RARB: variants seen among roughly 807,000 people sequenced by gnomAD.
The protein encoded by RARB is retinoic acid receptor beta.
A neutral mutation model predicts 51.9 loss-of-function variants in RARB; 17 were observed. The observed-to-expected ratio is 0.33, with a 90% confidence interval of 0.22 to 0.49. The LOEUF (loss-of-function observed/expected upper bound fraction) is 0.49. RARB is among the 20% of genes least tolerant of loss of function. RARB has a pLI of 0.99. For missense variants in RARB, 369 were observed against 550.8 expected, an observed-to-expected ratio of 0.67 and a Z score of 3.30; for synonymous variants, 215 against 195.4, an observed-to-expected ratio of 1.10 and a Z score of -0.84.
intron 2 of RARB, among the ~76,000 whole-genome samples, chr3:25,003,106 C>T (rs964478090): frequency 6.6e-6 from 1 of 151,496 alleles, no homozygotes; most frequent in South Asian, 2.1e-4. Flanking sequence ...CATCCTTGAT[C>T]TTGATCCTCA....
chr3:24,843,168 A>G (rs1356053695), intron 1 of RARB, among the ~76,000 whole-genome samples: 1 of 152,144 alleles, frequency 6.6e-6, no homozygotes, highest in Non-Finnish European at 1.5e-5. Context: ...TAATTGGGCA[A>G]TGCTGCTGAG....
intron 2 of RARB, among the ~76,000 whole-genome samples, chr3:25,486,099 T>C (rs1342740351): frequency 6.6e-6 from 1 of 152,204 alleles, no homozygotes; most frequent in Admixed American, 6.5e-5. Context: ...GAGTTGTCTT[T>C]TTGCTGGATT....
chr3:24,849,758 A>C (rs1702533374), intron 1 of RARB, among the ~76,000 whole-genome samples: 1 of 152,204 alleles, frequency 6.6e-6, no homozygotes, highest in Non-Finnish European at 1.5e-5. Flanking sequence ...CCCATTCAAC[A>C]TCCATTATGG....
intron 5 of RARB, among the ~76,000 whole-genome samples, chr3:25,178,028 C>T: frequency 6.6e-6 from 1 of 152,086 alleles, no homozygotes; most frequent in East Asian, 1.9e-4. Context: ...TCCCGGTCCA[C>T]ATGCCATTTA....
intron 2 of RARB, among the ~76,000 whole-genome samples, chr3:25,020,789 A>ATT (rs1697619259): frequency 6.6e-6 from 1 of 152,090 alleles, no homozygotes; most frequent in East Asian, 1.9e-4. Flanking sequence ...TGAGGATCTC[A>ATT]TTTAAAATAT....
At chr3:25,456,682 T>TAG (rs201238732) in intron 1 of RARB, among the ~76,000 whole-genome samples, 411 of 88,324 alleles carry the variant, frequency 4.7e-3, no homozygotes, top group South Asian at 0.012. Context: ...TATATATATA[T>TAG]AGAGAGAGAG....
chr3:25,238,563 A>G (rs1028204151), intron 5 of RARB, among the ~76,000 whole-genome samples: 1 of 152,114 alleles, frequency 6.6e-6, no homozygotes, highest in Admixed American at 6.5e-5. Context: ...TTGCATTTTT[A>G]GTTTTTTGAA....
chr3:25,005,749 C>T (rs1697257540), intron 2 of RARB, among the ~76,000 whole-genome samples: 1 of 152,130 alleles, frequency 6.6e-6, no homozygotes. Context: ...TCGAGGCTGG[C>T]TACTACGCTC....
At chr3:25,203,916 C>T (rs549118885) in intron 5 of RARB, among the ~76,000 whole-genome samples, 10 of 152,226 alleles carry the variant, frequency 6.6e-5, no homozygotes, top group African/African-American at 1.7e-4. Context: ...CTTGGAGTTG[C>T]TCTTCTTGAG....
At chr3:25,080,116 C>T (rs1279182059) in intron 3 of RARB, among the ~76,000 whole-genome samples, 1 of 152,162 alleles carries the variant, frequency 6.6e-6, no homozygotes, top group Non-Finnish European at 1.5e-5. Context: ...TCAGACTTTG[C>T]CAGCCTCTAA....
At chr3:24,943,712 T>G (rs751466312) in intron 2 of RARB, among the ~76,000 whole-genome samples, 2 of 152,202 alleles carry the variant, frequency 1.3e-5, no homozygotes, top group Non-Finnish European at 2.9e-5. Flanking sequence ...AGGTGCCATT[T>G]TCCTGCAAAT....
At chr3:25,537,605 A>G (rs949360770) in intron 3 of RARB, among the ~76,000 whole-genome samples, 2 of 152,144 alleles carry the variant, frequency 1.3e-5, no homozygotes, top group African/African-American at 4.8e-5. Context: ...TGCCTGTGGA[A>G]TGAGGGGACT....
chr3:25,450,472 T>A (rs560092428), intron 1 of RARB, among the ~76,000 whole-genome samples: 47 of 152,168 alleles, frequency 3.1e-4, no homozygotes, highest in Non-Finnish European at 5.4e-4. Flanking sequence ...GCTCATACCA[T>A]CTGCATTGTA....
chr3:25,312,198 A>T (rs1397600130), intron 5 of RARB, among the ~76,000 whole-genome samples: 1 of 152,144 alleles, frequency 6.6e-6, no homozygotes, highest in South Asian at 2.1e-4. Context: ...ATAAATGGAA[A>T]GGAGGAATTT....
chr3:25,254,531 C>T (rs540622466), intron 5 of RARB, among the ~76,000 whole-genome samples: 37 of 152,224 alleles, frequency 2.4e-4, no homozygotes, highest in African/African-American at 8.9e-4. Flanking sequence ...TATTGGGACA[C>T]TACCTTAGCA....
intron 2 of RARB, among the ~76,000 whole-genome samples, chr3:25,483,144 C>G (rs1696312676): frequency 6.6e-6 from 1 of 152,064 alleles, no homozygotes; most frequent in Non-Finnish European, 1.5e-5. Flanking sequence ...GCAGAGAACC[C>G]CAAAATGTCA....
intron 2 of RARB, among the ~76,000 whole-genome samples, chr3:24,864,472 C>T (rs754230136): frequency 6.6e-6 from 1 of 152,164 alleles, no homozygotes; most frequent in Non-Finnish European, 1.5e-5. Context: ...TTAGTAAGCA[C>T]CTTATTCTGT....
intron 3 of RARB, among the ~76,000 whole-genome samples, chr3:25,567,513 T>C (rs1478129615): frequency 2.0e-5 from 3 of 152,166 alleles, no homozygotes; most frequent in Non-Finnish European, 4.4e-5. Context: ...TATTCCACCA[T>C]AAGGACGTCC....
intron 2 of RARB, among the ~76,000 whole-genome samples, chr3:24,879,264 C>G (rs948248203): frequency 6.6e-6 from 1 of 151,660 alleles, no homozygotes; most frequent in Admixed American, 6.6e-5. Flanking sequence ...CCCATCTCTA[C>G]TAAAAATACA....
Sources: gnomAD v4.1 joint callset for allele counts (sites outside exome capture counted in the v4.1 genomes callset) on GRCh38, gnomAD v4.1.1 for gene constraint, MANE v1.5 for transcripts, NCBI Gene and HGNC (gene_info 2026-07-23, HGNC 2026-07-21) for gene names.